Variants in TUSC3 observed in about 807,000 individuals in gnomAD.
TUSC3 encodes the protein tumor suppressor candidate 3.
TUSC3 carries 45 observed loss-of-function variants against 44.8 expected under a neutral mutation model. That is an observed-to-expected ratio of 1.00 (90% CI 0.79 to 1.29). The LOEUF (loss-of-function observed/expected upper bound fraction) is 1.29, where lower values mean the gene tolerates loss of function less well. Among genes scored for constraint, TUSC3 ranks in the 50% most tolerant of loss-of-function variants. The pLI, the probability that TUSC3 is intolerant of heterozygous loss-of-function variation, is 0.00. For missense variants in TUSC3, 519 were observed against 437.9 expected (o/e 1.19, Z -1.65); for synonymous variants, 212 against 152.9 (o/e 1.39, Z -2.85).
At chr8:15,841,958 T>A in the TUSC3 span, among the ~76,000 whole-genome samples, 1 of 152,234 alleles carries the variant, frequency 6.6e-6, no homozygotes, top group African/African-American at 2.4e-5. Context: ...TTCCCTGATG[T>A]GTTCTTTAAA....
chr8:15,494,004 G>A (rs1585064994), intron 2 of TUSC3, among the ~76,000 whole-genome samples: 1 of 152,098 alleles, frequency 6.6e-6, no homozygotes, highest in South Asian at 2.1e-4. Flanking sequence ...ACACAACATG[G>A]TATTATTTGC....
At chr8:15,454,107 C>T (rs1274269856) in intron 1 of TUSC3, among the ~76,000 whole-genome samples, 1 of 152,144 alleles carries the variant, frequency 6.6e-6, no homozygotes, top group Non-Finnish European at 1.5e-5. Flanking sequence ...CAGGCCACTG[C>T]ACATGTGGAC....
intron 2 of TUSC3, among the ~76,000 whole-genome samples, chr8:15,525,337 C>G (rs1284627224): frequency 6.6e-6 from 1 of 152,170 alleles, no homozygotes; most frequent in African/African-American, 2.4e-5. Flanking sequence ...CTTGCTCCAG[C>G]TCCTTGTTTC....
intron 9 of TUSC3, among the ~76,000 whole-genome samples, chr8:15,750,937 A>G (rs1338535763): frequency 1.3e-5 from 2 of 152,012 alleles, no homozygotes; most frequent in Admixed American, 6.5e-5. Flanking sequence ...TGAAAACCCT[A>G]AGGAGGAGCT....
At chr8:15,441,996 T>C (rs1463155640) in intron 1 of TUSC3, among the ~76,000 whole-genome samples, 1 of 152,180 alleles carries the variant, frequency 6.6e-6, no homozygotes, top group East Asian at 1.9e-4. Context: ...GATAAGTTGG[T>C]TTGTTCTTAT....
intron 1 of TUSC3, among the ~76,000 whole-genome samples, chr8:15,593,735 C>T (rs1406880174): frequency 6.6e-6 from 1 of 152,062 alleles, no homozygotes; most frequent in Non-Finnish European, 1.5e-5. Flanking sequence ...TGCTAATTTT[C>T]AGTTTTTCCC....
chr8:15,582,180 G>A (rs968250481), intron 1 of TUSC3, among the ~76,000 whole-genome samples: 26 of 152,296 alleles, frequency 1.7e-4, no homozygotes, highest in African/African-American at 5.8e-4. Flanking sequence ...CGCATGGTGC[G>A]CGCACCCACT....
chr8:15,779,158 T>C, the TUSC3 span, among the ~76,000 whole-genome samples: 2 of 151,344 alleles, frequency 1.3e-5, no homozygotes, highest in Non-Finnish European at 2.9e-5. Flanking sequence ...TATTCCACTT[T>C]AGGTTATCCA....
intron 10 of TUSC3, 59 bp downstream of exon 10, chr8:15,757,914 A>G: frequency 8.2e-6 from 12 of 1,463,486 alleles, no homozygotes; most frequent in South Asian, 4.6e-5. Context: ...TATAGAGAGT[A>G]TAACATTTAT....
intron 2 of TUSC3, among the ~76,000 whole-genome samples, chr8:15,497,290 C>T (rs1310432214): frequency 6.6e-6 from 1 of 152,006 alleles, no homozygotes; most frequent in Non-Finnish European, 1.5e-5. Flanking sequence ...TAAAGAGGGC[C>T]CAGTGATGTG....
chr8:15,624,741 T>C (rs1805413909), intron 2 of TUSC3, among the ~76,000 whole-genome samples: 1 of 152,204 alleles, frequency 6.6e-6, no homozygotes, highest in Non-Finnish European at 1.5e-5. Flanking sequence ...TCTCCCAGTT[T>C]GTGACTTGTA....
At chr8:15,849,318 A>G in the TUSC3 span, among the ~76,000 whole-genome samples, 4 of 152,208 alleles carry the variant, frequency 2.6e-5, no homozygotes, top group Non-Finnish European at 5.9e-5. Context: ...AAAACCAAAC[A>G]TTTAGAGTCA....
chr8:15,757,120 G>A lies in TUSC3; in HGVS notation c.1029-671G>A, dbSNP rs190966583. Reference sequence around the variant, plus strand: ...CCACTGCACTCCAGCCTGTGCCACAGACTGAGAATCTGTCTCTAAAAAAAC... The same window carrying A: ...CCACTGCACTCCAGCCTGTGCCACAAACTGAGAATCTGTCTCTAAAAAAAC... On this transcript the variant is annotated intron_variant, in intron 9 of 10. Coordinates refer to ENST00000503731, the MANE Select transcript of TUSC3 (RefSeq NM_006765.4). Among the ~76,000 whole-genome samples, 178 of 152,278 alleles carry A rather than the reference G, an allele frequency of 1.2e-3. 3 individuals are homozygous for A. Among genetic ancestry groups the A allele is most frequent in the Non-Finnish European group, 2.1e-3 (141 of 68,006 alleles).
intron 3 of TUSC3, among the ~76,000 whole-genome samples, chr8:15,653,843 T>C (rs745364483): frequency 6.6e-6 from 1 of 152,210 alleles, no homozygotes; most frequent in Non-Finnish European, 1.5e-5. Context: ...TTTAAAGCAC[T>C]GTTAGCAGTA....
chr8:15,613,595 T>C (rs62506260), intron 1 of TUSC3, among the ~76,000 whole-genome samples: 31,658 of 152,068 alleles, frequency 0.21, 4,297 homozygotes, highest in Non-Finnish European at 0.3. Context: ...TCTGCCATGA[T>C]TGTGAGGCCT....
the TUSC3 span, among the ~76,000 whole-genome samples, chr8:15,822,643 A>ATGTTAAGATG: frequency 6.6e-6 from 1 of 152,156 alleles, no homozygotes; most frequent in Non-Finnish European, 1.5e-5. Flanking sequence ...TGGGGAATTC[A>ATGTTAAGATG]TGTTAAGATG....
At chr8:15,544,235 GAC>G (rs1801787265) in intron 1 of TUSC3, among the ~76,000 whole-genome samples, 1 of 151,788 alleles carries the variant, frequency 6.6e-6, no homozygotes, top group African/African-American at 2.4e-5. Flanking sequence ...CTTTTATTTT[GAC>G]AGTTTCTCTC....
intron 2 of TUSC3, among the ~76,000 whole-genome samples, chr8:15,635,339 C>T (rs1806017379): frequency 1.3e-5 from 2 of 152,106 alleles, no homozygotes. Flanking sequence ...GAAGTCGAGT[C>T]ACACATATTT....
At chr8:15,737,487 T>A (rs1014742087) in intron 7 of TUSC3, among the ~76,000 whole-genome samples, 1 of 152,114 alleles carries the variant, frequency 6.6e-6, no homozygotes, top group African/African-American at 2.4e-5. Context: ...GACTAAGCAG[T>A]AGGAAAATGA....
Sources: gnomAD v4.1 joint callset for allele counts (sites outside exome capture counted in the v4.1 genomes callset) on GRCh38, gnomAD v4.1.1 for gene constraint, MANE v1.5 for transcripts, NCBI Gene and HGNC (gene_info 2026-07-23, HGNC 2026-07-21) for gene names.